The following ENPP1 variants were observed in gnomAD, a reference collection of about 807,000 sequenced individuals.
ENPP1 encodes the protein ectonucleotide pyrophosphatase/phosphodiesterase family member 1.
In ENPP1, 73 loss-of-function variants were observed where a neutral mutation model predicts 122.8. The ratio of observed to expected loss-of-function variants is 0.59; its 90% CI spans 0.49 to 0.72. The LOEUF (loss-of-function observed/expected upper bound fraction) is 0.72, where lower values mean the gene tolerates loss of function less well. Ranked by LOEUF, ENPP1 falls within the 30% of genes least tolerant of loss-of-function variation. The pLI, the probability that ENPP1 is intolerant of heterozygous loss-of-function variation, is 0.00. For missense variants in ENPP1, 978 were observed against 1,128.1 expected, an observed-to-expected ratio of 0.87 and a Z score of 1.91; for synonymous variants, 367 against 391.6, an observed-to-expected ratio of 0.94 and a Z score of 0.74.
intron 18 of ENPP1, chr6:131,877,949 G>C (rs936219545): frequency 3.6e-5 from 5 of 138,056 alleles, no homozygotes; most frequent in Non-Finnish European, 7.5e-5. Context: ...TTTTAGACTT[G>C]AGTTAGAATA....
rs147491826 is a variant in ENPP1 at position 131,870,893 on chromosome 6, G to A, written c.1406-1177G>A. The stretch of plus-strand genomic sequence containing the variant: ...AGAGATCAAGACCATCCTGGCCAAC[G>A]TGGTGAAACCCGTCTCTATGAAAAA... On this transcript the variant is annotated intron_variant, in intron 13 of 24. Coordinates refer to ENST00000647893, the MANE Select transcript of ENPP1 (RefSeq NM_006208.3). Among the ~76,000 whole-genome samples the A allele has an allele frequency of 9.9e-4, 151 of 152,168 alleles. 1 individual carries two copies. Among genetic ancestry groups the A allele is most frequent in the African/African-American group, 3.2e-3 (133 of 41,518 alleles).
At chr6:131,845,043 G>GTTTTTTTTTTTTT (rs142380855) in intron 1 of ENPP1, among the ~76,000 whole-genome samples, 4 of 84,986 alleles carry the variant, frequency 4.7e-5, no homozygotes, top group East Asian at 2.9e-4. Flanking sequence ...ATTCTTCATG[G>GTTTTTTTTTTTTT]TTTTTTTTTT....
At chr6:131,874,074 A>G (rs979671808) in intron 15 of ENPP1, among the ~76,000 whole-genome samples, 194 bp from the exon 16 acceptor site, 1 of 152,162 alleles carries the variant, frequency 6.6e-6, no homozygotes, top group East Asian at 1.9e-4. Context: ...TATATTGCTT[A>G]TAGTTAATTT....
chr6:131,819,946 T>G, intron 1 of ENPP1: 1 of 561,470 alleles, frequency 1.8e-6, no homozygotes, highest in Non-Finnish European at 3.3e-6. Flanking sequence ...CTTCTTTTTT[T>G]TTTTTTTCGC....
chr6:131,868,153 T>A, intron 12 of ENPP1, 27 bp downstream of exon 12: 1 of 1,517,842 alleles, frequency 6.6e-7, no homozygotes, highest in Non-Finnish European at 9.2e-7. Context: ...TTATTTACTC[T>A]TCAGGATAAA....
chr6:131,847,863 G>T lies in ENPP1; in HGVS notation c.313+15G>T, dbSNP rs770352358. On this transcript the variant is annotated intron_variant, in intron 2 of 24. Coordinates refer to ENST00000647893, the MANE Select transcript of ENPP1 (RefSeq NM_006208.3). ...TGCCAAAGAAGGTAATTAGGTGTGT[G>T]TGTGTGTGTGTGTGTGTGTGTGTGT... 17 of 1,257,588 alleles carry T rather than the reference G, an allele frequency of 1.4e-5. No individual in the cohort carries two copies. The highest frequency in any genetic ancestry group is 1.0e-4 in the African/African-American group (6 of 57,602). 77.9% of individuals were successfully genotyped at this position (1,257,588 alleles called of 1,614,324 possible).
intron 4 of ENPP1, 44 bp downstream of exon 4, chr6:131,851,311 C>A (rs186852575): frequency 1.2e-6 from 2 of 1,613,214 alleles, no homozygotes; most frequent in South Asian, 2.2e-5. Flanking sequence ...TATCTTCCAG[C>A]GTCTTAGCGG....
intron 1 of ENPP1, among the ~76,000 whole-genome samples, chr6:131,839,781 T>C (rs1387391618): frequency 1.3e-5 from 2 of 152,178 alleles, no homozygotes; most frequent in African/African-American, 4.8e-5. Flanking sequence ...GTCAATTAAA[T>C]ATTCTTCTAA....
chr6:131,869,996 G>A (rs1233622385), intron 13 of ENPP1, among the ~76,000 whole-genome samples: 2 of 152,108 alleles, frequency 1.3e-5, no homozygotes, highest in African/African-American at 2.4e-5. Context: ...GACTGGATGC[G>A]AGAACACAAC....
intron 10 of ENPP1, 116 bp from the exon 11 acceptor site, chr6:131,864,750 T>G: frequency 1.2e-6 from 1 of 825,042 alleles, no homozygotes; most frequent in South Asian, 1.4e-5. Context: ...TATTTCTCAG[T>G]AGAACTGTTA....
At chr6:131,879,779 T>G in intron 19 of ENPP1, 101 bp from the exon 20 acceptor site, 1 of 1,077,992 alleles carries the variant, frequency 9.3e-7, no homozygotes, top group Non-Finnish European at 1.4e-6. Flanking sequence ...AAGTAAATCT[T>G]CAATATAATT....
At chr6:131,850,992 ATGGTAG>A (rs1345108838) in intron 3 of ENPP1, 144 bp from the exon 4 acceptor site, 1 of 821,442 alleles carries the variant, frequency 1.2e-6, no homozygotes, top group African/African-American at 1.7e-5. Flanking sequence ...CAGAGTGGCC[ATGGTAG>A]TGGCAGATTC....
At chr6:131,815,941 G>T (rs958615325) in intron 1 of ENPP1, among the ~76,000 whole-genome samples, 4 of 144,922 alleles carry the variant, frequency 2.8e-5, no homozygotes, top group African/African-American at 5.2e-5. Flanking sequence ...GGCTGGTCTC[G>T]AACTCCTGAC....
In ENPP1 at chr6:131,859,520, G is replaced by T. The variant is rs190594957; in HGVS notation, c.795+773G>T. Among the ~76,000 whole-genome samples, 1,153 of 151,834 alleles carry T rather than the reference G, an allele frequency of 7.6e-3. 15 individuals carry two copies. Among genetic ancestry groups the T allele is most frequent in the African/African-American group, 0.025 (1,051 of 41,396 alleles). The stretch of plus-strand genomic sequence containing the variant: ...CCTGCCTCAGCCTCCCAAGTAGCTG[G>T]GACTACAGGTGCACACCACCACGCC... On this transcript the variant is annotated intron_variant, in intron 7 of 24. Coordinates refer to ENST00000647893, the MANE Select transcript of ENPP1 (RefSeq NM_006208.3).
intron 1 of ENPP1, among the ~76,000 whole-genome samples, chr6:131,843,563 G>A (rs1781768075): frequency 6.6e-6 from 1 of 151,578 alleles, no homozygotes; most frequent in African/African-American, 2.4e-5. Context: ...TATCCAATTT[G>A]TCCTGCCCCT....
Position 131,885,071 on chromosome 6 carries a change from C to T in ENPP1, c.2444+8C>T, listed in dbSNP as rs1782359898. 1 of 1,613,444 alleles carries T rather than the reference C, an allele frequency of 6.2e-7. No individual in the cohort carries two copies. Among genetic ancestry groups the T allele is most frequent in the African/African-American group, 1.3e-5 (1 of 74,906 alleles). ...CTTAGAGAATCTGAGGCAGTAAGAA[C>T]ATATTTCATTACTCTTAAAAATAGG... On this transcript the variant is annotated splice_region_variant and intron_variant, in intron 23 of 24. Transcript: ENST00000647893.
chr6:131,839,566 G>A (rs963793213), intron 1 of ENPP1, among the ~76,000 whole-genome samples: 1 of 152,190 alleles, frequency 6.6e-6, no homozygotes, highest in African/African-American at 2.4e-5. Flanking sequence ...CATTAGTCCT[G>A]TGGTTGTCCT....
In ENPP1 at chr6:131,872,062, C is replaced by T. The variant is rs779272374; in HGVS notation, c.1406-8C>T. On this transcript the variant is annotated splice_polypyrimidine_tract_variant and splice_region_variant and intron_variant, in intron 13 of 24. Transcript: ENST00000647893. ...CAACTATTAATTCTTATGTTTGTTC[C>T]CCTCCAGTTAACTATGAAGGCATTG... 3.8e-6 allele frequency: 6 copies of T among 1,571,682 alleles called. No individual in the cohort carries two copies. The highest frequency in any genetic ancestry group is 4.4e-6 in the Non-Finnish European group (5 of 1,144,884).
At chr6:131,808,370 C>T in intron 1 of ENPP1, 95 bp downstream of exon 1, 1 of 1,349,224 alleles carries the variant, frequency 7.4e-7, no homozygotes, top group East Asian at 3.1e-5. Flanking sequence ...CAGCACCGGG[C>T]ACCGGAGAGA....
Sources: gnomAD v4.1 joint callset for allele counts (sites outside exome capture counted in the v4.1 genomes callset) on GRCh38, gnomAD v4.1.1 for gene constraint, MANE v1.5 for transcripts, NCBI Gene and HGNC (gene_info 2026-07-23, HGNC 2026-07-21) for gene names.